Variants in AFF1 observed in about 807,000 individuals in gnomAD.
The protein encoded by AFF1 is ALF transcription elongation factor 1.
A neutral mutation model predicts 121.7 loss-of-function variants in AFF1; 48 were observed. That is an observed-to-expected ratio of 0.39 (90% CI 0.31 to 0.50). AFF1 has a LOEUF of 0.50. AFF1 is among the 20% of genes least tolerant of loss of function. The pLI, the probability that AFF1 is intolerant of heterozygous loss-of-function variation, is 0.76. For missense variants in AFF1, 1,523 were observed against 1,511.7 expected (o/e 1.01, Z -0.12); for synonymous variants, 613 against 563.0 (o/e 1.09, Z -1.26).
At chr4:87,126,006 T>C in intron 13 of AFF1, 93 bp from the exon 14 acceptor site, 1 of 1,268,378 alleles carries the variant, frequency 7.9e-7, no homozygotes, top group Non-Finnish European at 1.1e-6. Context: ...GATACCCTAC[T>C]CTTTTGTGCC....
intron 2 of AFF1, among the ~76,000 whole-genome samples, chr4:86,983,823 G>A (rs1723984674): frequency 6.6e-6 from 1 of 152,012 alleles, no homozygotes; most frequent in Admixed American, 6.6e-5. Flanking sequence ...GGATCACGAG[G>A]TCAAGAGATC....
intron 4 of AFF1, among the ~76,000 whole-genome samples, chr4:87,064,946 G>A (rs1181811946): frequency 4.6e-5 from 7 of 151,850 alleles, no homozygotes; most frequent in African/African-American, 1.2e-4. Context: ...GGCTGAGGTA[G>A]GAGGATCACT....
intron 2 of AFF1, among the ~76,000 whole-genome samples, chr4:87,038,051 T>A (rs1371570044): frequency 2.0e-5 from 3 of 152,208 alleles, no homozygotes; most frequent in Non-Finnish European, 4.4e-5. Context: ...AGAGTGCTAA[T>A]GCATTGAGAT....
intron 2 of AFF1, among the ~76,000 whole-genome samples, chr4:86,988,164 T>G (rs1464523481): frequency 1.3e-5 from 2 of 152,156 alleles, no homozygotes; most frequent in Non-Finnish European, 2.9e-5. Context: ...AAAACATGTA[T>G]CATTTCTTTA....
At chr4:87,077,309 A>G (rs938042320) in intron 4 of AFF1, among the ~76,000 whole-genome samples, 6 of 152,114 alleles carry the variant, frequency 3.9e-5, no homozygotes, top group Non-Finnish European at 5.9e-5. Context: ...TTTTTTTACA[A>G]AAATTCAGTG....
chr4:87,109,847 T>G (rs187627099), intron 11 of AFF1, among the ~76,000 whole-genome samples: 11 of 152,328 alleles, frequency 7.2e-5, no homozygotes, highest in Admixed American at 5.2e-4. Flanking sequence ...TAAAATCACT[T>G]TAATAAAAAA....
intron 2 of AFF1, among the ~76,000 whole-genome samples, chr4:87,039,176 A>G (rs1729864305): frequency 6.6e-6 from 1 of 152,212 alleles, no homozygotes; most frequent in Non-Finnish European, 1.5e-5. Flanking sequence ...TCATCCACAT[A>G]TGCTATTTCC....
Position 87,137,190 on chromosome 4 carries a change from T to G in AFF1, c.*1489T>G, listed in dbSNP as rs1256736376. ...CTTTTAGAAGTAGAATTTGCACACT[T>G]ACTACAATTGAGGAGTGTCATCTCT... is the stretch of plus-strand genomic sequence containing the variant. On this transcript the variant is annotated 3_prime_UTR_variant, in exon 21 of 21. Coordinates refer to ENST00000395146, the MANE Select transcript of AFF1 (RefSeq NM_001166693.3). 4.4e-6 allele frequency: 1 copy of G among 227,824 alleles called. No homozygotes were observed. The highest frequency in any genetic ancestry group is 8.7e-6 in the Non-Finnish European group (1 of 114,498). The allele number at this position is 227,824 out of a possible 1,614,324, so 14.1% of individuals were successfully genotyped here.
chr4:87,112,199 T>G (rs1191494112), intron 11 of AFF1, among the ~76,000 whole-genome samples: 1 of 152,216 alleles, frequency 6.6e-6, no homozygotes, highest in African/African-American at 2.4e-5. Context: ...GGAAATCATG[T>G]TTGACAAGTG....
At chr4:87,007,491 A>T in intron 2 of AFF1, 2 of 1,590,072 alleles carry the variant, frequency 1.3e-6, no homozygotes, top group Non-Finnish European at 1.7e-6. Flanking sequence ...GTTGCGGGGG[A>T]GGGCAGGGTG....
intron 2 of AFF1, among the ~76,000 whole-genome samples, chr4:87,042,496 AG>A (rs2149605023): frequency 6.6e-6 from 1 of 152,268 alleles, no homozygotes; most frequent in African/African-American, 2.4e-5. Flanking sequence ...CAGTGTGGGG[AG>A]AGCAAGTGTC....
intron 8 of AFF1, among the ~76,000 whole-genome samples, chr4:87,103,600 A>C (rs896681320): frequency 6.6e-6 from 1 of 152,208 alleles, no homozygotes; most frequent in Non-Finnish European, 1.5e-5. Context: ...AATTCTCTGC[A>C]GGGAAAATTT....
At position 87,135,645 on chromosome 4, in the gene AFF1, G is replaced by T; in HGVS notation, c.3601G>T (p.Val1201Leu). 6.2e-7 allele frequency: 1 copy of T among 1,612,818 alleles called. No individual in the cohort carries two copies. ...LALNSSLVDL[V>L]HYTRQGFQQL... ...CCTCAACAGCAGTTTGGTGGACCTGGTGCACTATACACGACAGGGTTTTCA... is the reference window on the plus strand; with the variant it reads ...CCTCAACAGCAGTTTGGTGGACCTGTTGCACTATACACGACAGGGTTTTCA... The change falls in exon 21 of 21, where the codon GTG (valine) becomes TTG (leucine). Residue 1201 changes from valine to leucine, a missense_variant. This residue lies in a region of AFF1 where 241 missense variants were observed against 265.2 expected (regional missense o/e 0.91). Transcript: ENST00000395146.
At chr4:86,984,331 C>CTTTT (rs1350597456) in intron 2 of AFF1, among the ~76,000 whole-genome samples, 2 of 126,208 alleles carry the variant, frequency 1.6e-5, no homozygotes, top group Admixed American at 1.6e-4. Flanking sequence ...ATTTTTTTTT[C>CTTTT]TTTTTTTTTT....
chr4:86,985,884 A>G (rs1010955891), intron 2 of AFF1, among the ~76,000 whole-genome samples: 3 of 151,020 alleles, frequency 2.0e-5, no homozygotes, highest in African/African-American at 7.3e-5. Context: ...ATAAAAAGTG[A>G]TAACATTATC....
chr4:86,967,265 A>C (rs1328195097), intron 2 of AFF1, among the ~76,000 whole-genome samples: 2 of 152,046 alleles, frequency 1.3e-5, no homozygotes, highest in Non-Finnish European at 2.9e-5. Flanking sequence ...AGTGGATAAA[A>C]GAGAGATGTG....
At chr4:86,966,496 A>G (rs1722549142) in intron 2 of AFF1, among the ~76,000 whole-genome samples, 1 of 151,998 alleles carries the variant, frequency 6.6e-6, no homozygotes, top group Non-Finnish European at 1.5e-5. Context: ...TGATTCCAAC[A>G]TCTGCATTTT....
chr4:86,966,964 G>A (rs1387155436), intron 2 of AFF1, among the ~76,000 whole-genome samples: 3 of 152,156 alleles, frequency 2.0e-5, no homozygotes, highest in African/African-American at 7.2e-5. Context: ...CATCACTACT[G>A]TCCTTCTACC....
At chr4:87,102,002 G>T (rs1471825161) in intron 8 of AFF1, among the ~76,000 whole-genome samples, 2 of 152,232 alleles carry the variant, frequency 1.3e-5, no homozygotes, top group Non-Finnish European at 2.9e-5. Flanking sequence ...TAGCAATCGG[G>T]TTGACTCACT....
Sources: gnomAD v4.1 joint callset for allele counts (sites outside exome capture counted in the v4.1 genomes callset) on GRCh38, gnomAD v4.1.1 for gene constraint, gnomAD v4.1.1 regional missense constraint, MANE v1.5 for transcripts, NCBI Gene and HGNC (gene_info 2026-07-23, HGNC 2026-07-21) for gene names.